Variants in SIK3 observed in about 807,000 individuals in gnomAD.
SIK3 encodes serine/threonine-protein kinase SIK3.
In SIK3, 28 loss-of-function variants were observed where a neutral mutation model predicts 144.2. The ratio of observed to expected loss-of-function variants is 0.19; its 90% CI spans 0.14 to 0.27. The LOEUF is 0.27. Among genes scored for constraint, SIK3 ranks in the 10% least tolerant of loss-of-function variants. SIK3 has a pLI of 1.00. For synonymous variants in SIK3, 686 were observed against 676.3 expected (o/e 1.01, Z -0.22); for missense variants, 1,319 against 1,776.0 (o/e 0.74, Z 4.62).
At chr11:116,953,009 AATG>A (rs1948999421) in intron 3 of SIK3, among the ~76,000 whole-genome samples, 1 of 152,206 alleles carries the variant, frequency 6.6e-6, no homozygotes, top group African/African-American at 2.4e-5. Flanking sequence ...ATTAAGAAAT[AATG>A]ATACCTCTTT....
At chr11:116,923,052 G>A (rs1177511278) in intron 4 of SIK3, among the ~76,000 whole-genome samples, 4 of 151,696 alleles carry the variant, frequency 2.6e-5, no homozygotes, top group African/African-American at 9.7e-5. Flanking sequence ...GAGTAGCTGG[G>A]ATTACAGGCA....
chr11:117,084,259 G>A (rs1954911465), intron 1 of SIK3, among the ~76,000 whole-genome samples: 1 of 151,940 alleles, frequency 6.6e-6, no homozygotes, highest in Admixed American at 6.6e-5. Flanking sequence ...TAAGTTTTTT[G>A]GTTTTTTTGT....
At chr11:116,954,720 T>C (rs1330789201) in intron 2 of SIK3, among the ~76,000 whole-genome samples, 1 of 152,216 alleles carries the variant, frequency 6.6e-6, no homozygotes, top group Non-Finnish European at 1.5e-5. Context: ...CATTGTAGTA[T>C]GTTGTCAGTC....
Position 116,844,290 on chromosome 11 carries a change from A to G in SIK3, c.*1353T>C, listed in dbSNP as rs1404336742. The G allele has an allele frequency of 1.3e-5, 2 of 152,168 alleles. No homozygotes were observed. The highest frequency in any genetic ancestry group is 1.3e-4 in the Admixed American group (2 of 15,264). 9.4% of individuals were successfully genotyped at this position (152,168 alleles called of 1,614,324 possible). A position where few individuals can be genotyped will look rare whatever the true frequency, so the allele number is the denominator to read the frequency against. On this transcript the variant is annotated 3_prime_UTR_variant, in exon 25 of 25. Coordinates refer to ENST00000445177, the MANE Select transcript of SIK3 (RefSeq NM_001366686.3). ...ACTGGCACAAGTAAGAGCTGTTCAC[A>G]ATTACAATGCCTAAAGGAAATACTT...
chr11:116,874,444 C>A lies in SIK3; in HGVS notation c.1428-388G>T, dbSNP rs181504627. On this transcript the variant is annotated intron_variant, in intron 11 of 24. Transcript: ENST00000445177. The stretch of plus-strand genomic sequence containing the variant: ...CAACTGATTCACCAGGGAAAGAATG[C>A]AATTACTCTTGTCAGTGCTGATAGG... 2.0e-3 allele frequency among the ~76,000 whole-genome samples: 307 copies of A among 152,308 alleles called. 1 individual carries two copies. Among genetic ancestry groups the A allele is most frequent in the African/African-American group, 6.4e-3 (265 of 41,564 alleles).
At chr11:116,964,568 G>T (rs1156481719) in intron 1 of SIK3, among the ~76,000 whole-genome samples, 1 of 152,080 alleles carries the variant, frequency 6.6e-6, no homozygotes, top group African/African-American at 2.4e-5. Context: ...CACAGAAAGT[G>T]GTTAACAACT....
chr11:116,956,464 G>A (rs1184447182), intron 2 of SIK3, among the ~76,000 whole-genome samples: 2 of 152,048 alleles, frequency 1.3e-5, no homozygotes, highest in Admixed American at 1.3e-4. Flanking sequence ...GAATAGAAAA[G>A]AGGTAGGTTT....
intron 1 of SIK3, among the ~76,000 whole-genome samples, chr11:117,044,524 G>T (rs1318162439): frequency 1.1e-4 from 16 of 151,936 alleles, no homozygotes; most frequent in Admixed American, 9.2e-4. Context: ...AATAAAGCCT[G>T]CCAGGAAACA....
intron 4 of SIK3, among the ~76,000 whole-genome samples, chr11:116,921,319 G>A (rs529670331): frequency 6.6e-6 from 1 of 152,278 alleles, no homozygotes; most frequent in South Asian, 2.1e-4. Flanking sequence ...TATATGCAAA[G>A]CATAATTTTG....
At chr11:116,929,651 A>G (rs1270625513) in intron 3 of SIK3, among the ~76,000 whole-genome samples, 3 of 152,038 alleles carry the variant, frequency 2.0e-5, no homozygotes, top group Admixed American at 6.6e-5. Flanking sequence ...CAATACCCCC[A>G]CCTCTTGATC....
rs534080090 is a variant in SIK3, at chr11:116,849,406, G to A, written c.3656-123C>T. 17 of 1,172,266 alleles carry A rather than the reference G, an allele frequency of 1.5e-5. No individual in the cohort carries two copies. The African/African-American group carries it at 1.7e-4, about 12-fold the overall frequency. The allele number at this position is 1,172,266 out of a possible 1,614,324, so 72.6% of individuals were successfully genotyped here. On this transcript the variant is annotated intron_variant, in intron 21 of 24. Transcript: ENST00000445177. This position sits in a 1 kb window ranked among gnomAD's most constrained non-coding sequence, Gnocchi z 4.2. The stretch of plus-strand genomic sequence containing the variant: ...GCTGAGGAGATCATGTACACCAACC[G>A]CTGATCCTCAGCCGGCGTCATGGCT...
Position 116,847,459 on chromosome 11 carries a change from T to C in SIK3, c.3952+17A>G, listed in dbSNP as rs369701479. 5.9e-5 allele frequency: 95 copies of C among 1,613,924 alleles called. No homozygotes were observed. The highest frequency in any genetic ancestry group is 7.6e-5 in the Non-Finnish European group (90 of 1,179,970). ...CCAGGAACTTCTCTGGAGTGCCCCA[T>C]GCATAAGGCTCCTCACCCTCATTTT... On this transcript the variant is annotated intron_variant, in intron 23 of 24. Coordinates refer to ENST00000445177, the MANE Select transcript of SIK3 (RefSeq NM_001366686.3).
chr11:117,000,364 T>C (rs1270302787), intron 1 of SIK3, among the ~76,000 whole-genome samples: 1 of 152,236 alleles, frequency 6.6e-6, no homozygotes, highest in Non-Finnish European at 1.5e-5. Context: ...TAGCTACACA[T>C]TGTTAGAGTT....
chr11:116,980,067 T>C (rs1950086997), intron 1 of SIK3, among the ~76,000 whole-genome samples: 1 of 152,222 alleles, frequency 6.6e-6, no homozygotes, highest in Non-Finnish European at 1.5e-5. Context: ...CTGTATCCTC[T>C]TTCCACTGTA....
intron 1 of SIK3, among the ~76,000 whole-genome samples, chr11:116,981,966 G>A (rs570976652): frequency 1.8e-4 from 28 of 152,342 alleles, no homozygotes; most frequent in African/African-American, 6.7e-4. Context: ...AGTCCTCACA[G>A]GTAGTATAAA....
chr11:116,968,141 T>G (rs951571990), intron 1 of SIK3, among the ~76,000 whole-genome samples: 6 of 152,146 alleles, frequency 3.9e-5, no homozygotes, highest in African/African-American at 7.2e-5. Context: ...AATTTCTGGG[T>G]TTTTTTGTTT....
At chr11:116,930,512 A>G (rs910645463) in intron 3 of SIK3, among the ~76,000 whole-genome samples, 2 of 152,248 alleles carry the variant, frequency 1.3e-5, no homozygotes, top group African/African-American at 4.8e-5. Context: ...ACATAGTCAC[A>G]GCATTTTTAC....
At chr11:116,897,705 A>C (rs1945487115) in intron 4 of SIK3, among the ~76,000 whole-genome samples, 1 of 152,138 alleles carries the variant, frequency 6.6e-6, no homozygotes. Flanking sequence ...CAACATGTTG[A>C]AACCTCCTCT....
chr11:116,986,799 A>G (rs1950340111), intron 1 of SIK3, among the ~76,000 whole-genome samples: 1 of 152,234 alleles, frequency 6.6e-6, no homozygotes, highest in Non-Finnish European at 1.5e-5. Context: ...TGGATCATGA[A>G]GAGTGGCTAC....
Sources: gnomAD v4.1 joint callset for allele counts (sites outside exome capture counted in the v4.1 genomes callset) on GRCh38, gnomAD v4.1.1 for gene constraint, Gnocchi (gnomAD v3.1) non-coding constraint, MANE v1.5 for transcripts, NCBI Gene and HGNC (gene_info 2026-07-23, HGNC 2026-07-21) for gene names.